The following DDX1 variants were observed in gnomAD, a reference collection of about 807,000 sequenced individuals.
DDX1 encodes the protein ATP-dependent RNA helicase DDX1.
A neutral mutation model predicts 108.7 loss-of-function variants in DDX1; 28 were observed. That is an observed-to-expected ratio of 0.26 (90% CI 0.19 to 0.35). DDX1 has a LOEUF of 0.35. Among genes scored for constraint, DDX1 ranks in the 10% least tolerant of loss-of-function variants. DDX1 has a pLI of 1.00. For synonymous variants in DDX1, 295 were observed against 288.9 expected, an observed-to-expected ratio of 1.02 and a Z score of -0.21; for missense variants, 710 against 884.5, an observed-to-expected ratio of 0.80 and a Z score of 2.50.
intron 4 of DDX1, 31 bp from the exon 5 acceptor site, chr2:15,597,344 C>A: frequency 4.4e-6 from 6 of 1,362,788 alleles, no homozygotes; most frequent in Non-Finnish European, 6.2e-6. Context: ...TATGTGAATA[C>A]TAATATAGAT....
chr2:15,617,695 A>G (rs548570000), intron 15 of DDX1, among the ~76,000 whole-genome samples: 1 of 152,310 alleles, frequency 6.6e-6, no homozygotes, highest in South Asian at 2.1e-4. Context: ...GCTCCAAATA[A>G]CCAGCTTTGT....
chr2:15,619,564 T>C (rs537131288), intron 16 of DDX1, among the ~76,000 whole-genome samples: 1 of 152,234 alleles, frequency 6.6e-6, no homozygotes, highest in Non-Finnish European at 1.5e-5. Flanking sequence ...TTAATGCTTA[T>C]GAGCAGGGTC....
At chr2:15,602,448 TAGTG>T (rs1229356093) in intron 6 of DDX1, 96 bp from the exon 7 acceptor site, 1 of 768,128 alleles carries the variant, frequency 1.3e-6, no homozygotes, top group East Asian at 2.6e-5. Flanking sequence ...ATTATCTTGT[TAGTG>T]AGACTGAATG....
At chr2:15,612,600 G>A (rs886439642) in intron 13 of DDX1, among the ~76,000 whole-genome samples, 5 of 151,684 alleles carry the variant, frequency 3.3e-5, no homozygotes, top group African/African-American at 9.7e-5. Context: ...CTTCCCAGAC[G>A]GGGTGGCGGC....
chr2:15,599,437 G>C (rs1449925040), intron 5 of DDX1, among the ~76,000 whole-genome samples: 1 of 151,730 alleles, frequency 6.6e-6, no homozygotes, highest in African/African-American at 2.4e-5. Flanking sequence ...CTCCCGAGTA[G>C]CTGGGATTAC....
chr2:15,623,334 T>G, intron 18 of DDX1, 102 bp from the exon 19 acceptor site: 1 of 1,068,542 alleles, frequency 9.4e-7, no homozygotes, highest in Non-Finnish European at 1.3e-6. Flanking sequence ...AGTATTCTTT[T>G]TTAGGAAAAT....
chr2:15,611,833 A>G (rs1573043910), intron 13 of DDX1, among the ~76,000 whole-genome samples: 3 of 81,952 alleles, frequency 3.7e-5, no homozygotes, highest in Non-Finnish European at 6.6e-5. Flanking sequence ...GGCCGGGCAG[A>G]GGGGCTCCTC....
At chr2:15,592,082 C>A in intron 1 of DDX1, 133 bp downstream of exon 1, 2 of 819,038 alleles carry the variant, frequency 2.4e-6, no homozygotes, top group Non-Finnish European at 3.4e-6. Context: ...CCGCTGCAGT[C>A]CCTGATGGAC....
At chr2:15,597,517 C>T in intron 5 of DDX1, 46 bp downstream of exon 5, 1 of 1,232,778 alleles carries the variant, frequency 8.1e-7, no homozygotes, top group Non-Finnish European at 1.2e-6. Flanking sequence ...ATCATTGGTT[C>T]TCATCACTGA....
Position 15,623,507 on chromosome 2 carries a change from G to A in DDX1, c.1519G>A (p.Asp507Asn), listed in dbSNP as rs1278421903. 2 of 1,613,370 alleles carry A rather than the reference G, an allele frequency of 1.2e-6. No homozygotes were observed. The highest frequency in any genetic ancestry group is 4.5e-5 in the East Asian group (2 of 44,782). Residue 507 changes from aspartate to asparagine, a missense_variant, in exon 19 of 26, where the codon GAT (aspartate) becomes AAT (asparagine). Coordinates refer to ENST00000233084, the MANE Select transcript of DDX1 (RefSeq NM_004939.3). ...AVRAIKEHKM[D>N]QAIIFCRTKI... ...CCGGGCAATCAAGGAACATAAGATG[G>A]ATCAAGCAATTATCTTCTGTAGAAC...
intron 18 of DDX1, 31 bp from the exon 19 acceptor site, chr2:15,623,405 G>T: frequency 6.2e-7 from 1 of 1,608,282 alleles, no homozygotes; most frequent in Non-Finnish European, 8.5e-7. Flanking sequence ...TTGAAATTCT[G>T]TTGGTTTTTG....
chr2:15,613,214 T>A lies in DDX1; in HGVS notation c.957-10T>A. The A allele has an allele frequency of 6.3e-7, 1 of 1,576,552 alleles. No individual in the cohort carries two copies. Among genetic ancestry groups the A allele is most frequent in the Non-Finnish European group, 8.6e-7 (1 of 1,161,526 alleles). On this transcript the variant is annotated splice_polypyrimidine_tract_variant and intron_variant, in intron 13 of 25. Transcript: ENST00000233084. The stretch of plus-strand genomic sequence containing the variant: ...TTTTTTTTATATTATCATCTTGATA[T>A]TTATTTCAGGGAGCTTCTGATAATT...
chr2:15,623,262 T>A (rs952388294), intron 18 of DDX1, among the ~76,000 whole-genome samples, 174 bp from the exon 19 acceptor site: 1 of 152,176 alleles, frequency 6.6e-6, no homozygotes, highest in African/African-American at 2.4e-5. Flanking sequence ...ATGGTTTAAC[T>A]CACTGTTTTA....
chr2:15,621,888 A>G (rs892742069), intron 18 of DDX1, among the ~76,000 whole-genome samples: 2 of 152,196 alleles, frequency 1.3e-5, no homozygotes, highest in African/African-American at 4.8e-5. Flanking sequence ...TCCTGACCTC[A>G]AATGATCCAC....
intron 14 of DDX1, among the ~76,000 whole-genome samples, chr2:15,613,997 G>A (rs1665848779): frequency 6.6e-6 from 1 of 151,882 alleles, no homozygotes; most frequent in African/African-American, 2.4e-5. Flanking sequence ...CCACCATGTT[G>A]GCTGATTTTT....
Position 15,602,645 on chromosome 2 carries a change from A to G in DDX1, c.391+14A>G. 1 of 1,561,010 alleles carries G rather than the reference A, an allele frequency of 6.4e-7. No homozygotes were observed. The highest frequency in any genetic ancestry group is 2.2e-5 in the East Asian group (1 of 44,572). On this transcript the variant is annotated intron_variant, in intron 7 of 25. Transcript: ENST00000233084. ...GATTAATGAAAGGTATTTGAACAGC[A>G]TCTGCACTTGTATAAACTTTTGAGG...
At position 15,628,967 on chromosome 2, in the gene DDX1, A is replaced by G. The variant is rs1026256579; in HGVS notation, c.1875+128A>G. ...GTATGGAATACAAATGAACTTTTTA[A>G]TGTCATCTTTTTTCCTATATTCATT... On this transcript the variant is annotated intron_variant, in intron 23 of 25. Coordinates refer to ENST00000233084, the MANE Select transcript of DDX1 (RefSeq NM_004939.3). 1.6e-5 allele frequency: 13 copies of G among 834,734 alleles called. No homozygotes were observed. In the Admixed American group the frequency reaches 2.6e-4, roughly 17 times the overall value. The allele number at this position is 834,734 out of a possible 1,614,324, so 51.7% of individuals were successfully genotyped here. A position where few individuals can be genotyped will look rare whatever the true frequency, so the allele number is the denominator to read the frequency against.
At position 15,606,214 on chromosome 2, in the gene DDX1, T is replaced by A. The variant is rs1287480010; in HGVS notation, c.767T>A (p.Val256Asp). The A allele has an allele frequency of 6.2e-7, 1 of 1,614,150 alleles. No individual in the cohort carries two copies. Among genetic ancestry groups the A allele is most frequent in the Non-Finnish European group, 8.5e-7 (1 of 1,180,000 alleles). The change falls in exon 12 of 26, where the codon GTT becomes GAT. Residue 256 changes from valine to aspartate, a missense_variant. Coordinates refer to ENST00000233084, the MANE Select transcript of DDX1 (RefSeq NM_004939.3). ...EFKFPPKDGF[V>D]ALSKAPDGYI... ...AAGTTTCCACCAAAAGATGGCTTTG[T>A]TGCTCTTTCCAAGGCACCGGATGGT...
chr2:15,617,844 C>A (rs942196627), intron 15 of DDX1, among the ~76,000 whole-genome samples: 3 of 152,176 alleles, frequency 2.0e-5, no homozygotes, highest in African/African-American at 7.2e-5. Flanking sequence ...TTACCTAGTT[C>A]CTCAGCACTG....
Sources: allele counts gnomAD v4.1 joint callset (sites outside exome capture counted in the v4.1 genomes callset), GRCh38; gene constraint gnomAD v4.1.1; transcripts MANE v1.5; gene names NCBI Gene and HGNC (gene_info 2026-07-23, HGNC 2026-07-21).